The following YARS1 variants were observed in gnomAD, a reference collection of about 807,000 sequenced individuals.
The protein encoded by YARS1 is tyrosyl-tRNA synthetase 1.
YARS1 carries 36 observed loss-of-function variants against 62.2 expected under a neutral mutation model. That is an observed-to-expected ratio of 0.58 (90% CI 0.44 to 0.76). The LOEUF (loss-of-function observed/expected upper bound fraction) is 0.76. Among genes scored for constraint, YARS1 ranks in the 30% least tolerant of loss-of-function variants. The probability of loss-of-function intolerance (pLI) is 0.00; values close to 1 mark genes in which losing one functional copy is unlikely to be tolerated. For synonymous variants in YARS1, 234 were observed against 244.9 expected (o/e 0.96, Z 0.42); for missense variants, 524 against 639.8 (o/e 0.82, Z 1.95).
At chr1:32,777,337 G>C (rs376648969) in intron 12 of YARS1, among the ~76,000 whole-genome samples, 1 of 151,484 alleles carries the variant, frequency 6.6e-6, no homozygotes, top group Admixed American at 6.6e-5. Context: ...AGGAGGCTTG[G>C]AACAGTGGCT....
chr1:32,806,632 G>C (rs1638473543), intron 3 of YARS1, 21 bp from the exon 4 acceptor site: 13 of 1,614,052 alleles, frequency 8.1e-6, no homozygotes, highest in Non-Finnish European at 8.5e-6. Context: ...AAGGAAGAGG[G>C]GACAGCTGTA....
At chr1:32,812,527 C>T (rs1638608880) in intron 1 of YARS1, among the ~76,000 whole-genome samples, 1 of 152,244 alleles carries the variant, frequency 6.6e-6, no homozygotes, top group Non-Finnish European at 1.5e-5. Context: ...GCAAAACTCT[C>T]TTGTGGGGGG....
intron 4 of YARS1, among the ~76,000 whole-genome samples, chr1:32,802,978 ATTTTTTTTTT>A (rs34189200): frequency 3.4e-5 from 3 of 89,412 alleles, no homozygotes; most frequent in African/African-American, 1.3e-4. Flanking sequence ...ACGCCTGGCT[ATTTTTTTTTT>A]TTTTTTTTTT....
rs375718636 is a variant in YARS1 at position 32,799,143 on chromosome 1, T to C, written c.511-1300A>G. The stretch of plus-strand genomic sequence containing the variant: ...GGTTTTGAACAACATATAGATGTTT[T>C]TCACCATGCAGAGGAAATAGAATGT... On this transcript the variant is annotated intron_variant, in intron 4 of 12. Transcript: ENST00000373477. 1.2e-4 allele frequency among the ~76,000 whole-genome samples: 19 copies of C among 152,340 alleles called. No individual in the cohort carries two copies. The East Asian group carries it at 2.9e-3, about 23-fold the overall frequency.
At chr1:32,809,232 G>T (rs915801486) in intron 3 of YARS1, among the ~76,000 whole-genome samples, 1 of 151,970 alleles carries the variant, frequency 6.6e-6, no homozygotes, top group Non-Finnish European at 1.5e-5. Context: ...GATTACAGGT[G>T]TATGCCACCA....
chr1:32,791,668 G>A (rs987729833), intron 5 of YARS1, among the ~76,000 whole-genome samples: 1 of 152,106 alleles, frequency 6.6e-6, no homozygotes, highest in Non-Finnish European at 1.5e-5. Flanking sequence ...CAAGCGTGGT[G>A]GCAGGCACCT....
chr1:32,810,642 ACACCAATGCTCTC>A lies in YARS1; in HGVS notation c.316_328del (p.Glu106CysfsTer22). On this transcript the variant is annotated frameshift_variant, in exon 3 of 13. Transcript: ENST00000373477. LOFTEE classifies it high-confidence loss of function. Reference sequence around the variant, plus strand: ...GATGAACTTGAGCTTCTCCAAGGGCACACCAATGCTCTCCAGCATTGCTTTGATCACATTCTCA... The same window carrying A: ...GATGAACTTGAGCTTCTCCAAGGGCACAGCATTGCTTTGATCACATTCTCA... 6.2e-7 allele frequency: 1 copy of A among 1,613,878 alleles called. No homozygotes were observed. Among genetic ancestry groups the A allele is most frequent in the South Asian group, 1.1e-5 (1 of 91,066 alleles).
chr1:32,775,652 T>C lies in YARS1; in HGVS notation c.*329A>G. The C allele has an allele frequency of 3.1e-6, 1 of 317,998 alleles. No homozygotes were observed. The highest frequency in any genetic ancestry group is 5.9e-6 in the Non-Finnish European group (1 of 168,336). The allele number at this position is 317,998 out of a possible 1,614,324, so 19.7% of individuals were successfully genotyped here. ...AACTCCAAGAAAACCTGGGCACCAG[T>C]ATTTTTCCAATTATAAGGACTGTGG... On this transcript the variant is annotated 3_prime_UTR_variant, in exon 13 of 13. Coordinates refer to ENST00000373477, the MANE Select transcript of YARS1 (RefSeq NM_003680.4).
intron 3 of YARS1, 77 bp from the exon 4 acceptor site, chr1:32,806,688 A>T (rs770850834): frequency 5.7e-5 from 91 of 1,598,250 alleles, no homozygotes; most frequent in Non-Finnish European, 7.5e-5. Flanking sequence ...AAAGCACATT[A>T]ATTTACTTCC....
At chr1:32,786,714 C>A in intron 7 of YARS1, 1 of 720,172 alleles carries the variant, frequency 1.4e-6, no homozygotes, top group Non-Finnish European at 2.3e-6. Context: ...TTACTTCTAA[C>A]ACCTCTGCCC....
At chr1:32,786,054 C>T (rs1453122466) in intron 8 of YARS1, among the ~76,000 whole-genome samples, 1 of 152,060 alleles carries the variant, frequency 6.6e-6, no homozygotes, top group African/African-American at 2.4e-5. Flanking sequence ...CAGACATTTA[C>T]TGATAAGAAA....
rs1040872908 is a variant in YARS1, at chr1:32,779,425, T to A, written c.1433A>T (p.Asp478Val). Residue 478 changes from aspartate to valine, a missense_variant, in exon 12 of 13, where the codon GAT becomes GTT. Transcript: ENST00000373477. Reference protein sequence around the residue: ...FVKGYEKGQPDEELKPKKKVF... With the variant: ...FVKGYEKGQPVEELKPKKKVF... ...TTTCTTCTTGGGCTTGAGCTCCTCA[T>A]CTGGTTGGCCCTTTTCATAGCCCTT... 1.9e-6 allele frequency: 3 copies of A among 1,614,116 alleles called. No individual in the cohort carries two copies. In the African/African-American group the frequency reaches 4.0e-5, roughly 22 times the overall value.
At chr1:32,816,883 C>T in intron 1 of YARS1, 2 of 555,516 alleles carry the variant, frequency 3.6e-6, no homozygotes, top group East Asian at 6.1e-5. Context: ...CTTGACGTAT[C>T]CCCAGCGACT....
Position 32,780,249 on chromosome 1 carries a change from C to A in YARS1, c.1170G>T (p.Glu390Asp). 2 of 1,614,192 alleles carry A rather than the reference C, an allele frequency of 1.2e-6. No individual in the cohort carries two copies. The highest frequency in any genetic ancestry group is 1.7e-6 in the Non-Finnish European group (2 of 1,180,052). Reference protein sequence around the residue: ...KHPDADSLYVEKIDVGEAEPR... With the variant: ...KHPDADSLYVDKIDVGEAEPR... Reference sequence around the variant, plus strand: ...GTTCAGCTTCCCCCACGTCAATCTTCTCTACATACAGGCTGTCTGCATCTG... The same window carrying A: ...GTTCAGCTTCCCCCACGTCAATCTTATCTACATACAGGCTGTCTGCATCTG... The change falls in exon 11 of 13, where the codon GAG becomes GAT. Residue 390 changes from glutamate (E) to aspartate (D), a missense_variant. Physicochemically the swap from Glu to Asp is conservative, Grantham distance 45 (BLOSUM62 2). Transcript: ENST00000373477.
rs766005457 is a variant in YARS1 at position 32,781,199 on chromosome 1, T to A, written c.1043-54A>T. The A allele has an allele frequency of 5.0e-6, 7 of 1,409,264 alleles. No individual in the cohort carries two copies. The South Asian group carries it at 8.0e-5, about 16-fold the overall frequency. 87.3% of individuals were successfully genotyped at this position (1,409,264 alleles called of 1,614,324 possible). On this transcript the variant is annotated intron_variant, in intron 9 of 12. Coordinates refer to ENST00000373477, the MANE Select transcript of YARS1 (RefSeq NM_003680.4). ...GAATTCTTCCCTGTGGCAGGTCAGC[T>A]GCTGATCCCACCACGTTAAGACACT...
intron 1 of YARS1, among the ~76,000 whole-genome samples, chr1:32,815,364 C>G (rs1638684670): frequency 6.6e-6 from 1 of 151,992 alleles, no homozygotes; most frequent in African/African-American, 2.4e-5. Flanking sequence ...AAAAAATCCC[C>G]AAAACAAAAA....
intron 6 of YARS1, among the ~76,000 whole-genome samples, chr1:32,790,101 C>G (rs11587620): frequency 0.11 from 16,952 of 148,152 alleles, 1,029 homozygotes; most frequent in Middle Eastern, 0.23. Flanking sequence ...ACAGGCTGGT[C>G]TCGAACTCCT....
intron 8 of YARS1, among the ~76,000 whole-genome samples, chr1:32,784,600 T>C (rs892391219): frequency 2.6e-5 from 4 of 152,164 alleles, no homozygotes; most frequent in Admixed American, 6.6e-5. Flanking sequence ...AAAATAGTGC[T>C]TGGATAGTGT....
intron 5 of YARS1, among the ~76,000 whole-genome samples, chr1:32,794,241 T>C (rs1321630046): frequency 2.0e-5 from 3 of 151,866 alleles, no homozygotes; most frequent in Non-Finnish European, 4.4e-5. Context: ...TCCCAGCTAC[T>C]CAGTAGGCTG....
Sources: allele counts gnomAD v4.1 joint callset (sites outside exome capture counted in the v4.1 genomes callset), GRCh38; gene constraint gnomAD v4.1.1; transcripts MANE v1.5; gene names NCBI Gene and HGNC (gene_info 2026-07-23, HGNC 2026-07-21).